Variants in PDE4B observed in about 807,000 individuals in gnomAD.
PDE4B encodes phosphodiesterase 4B, also known as 3',5'-cyclic-AMP phosphodiesterase 4B.
A neutral mutation model predicts 82.2 loss-of-function variants in PDE4B; 20 were observed. That is an observed-to-expected ratio of 0.24 (90% CI 0.17 to 0.35). PDE4B has a LOEUF of 0.35. Among genes scored for constraint, PDE4B ranks in the 10% least tolerant of loss-of-function variants. The pLI is 1.00. For missense variants in PDE4B, 655 were observed against 907.2 expected (o/e 0.72, Z 3.57); for synonymous variants, 320 against 318.9 (o/e 1.00, Z -0.04).
chr1:65,892,025 C>A (rs1401320684), intron 1 of PDE4B, among the ~76,000 whole-genome samples: 2 of 151,988 alleles, frequency 1.3e-5, no homozygotes, highest in Admixed American at 6.6e-5. Context: ...AATTTAAATT[C>A]ATCAACTTCT....
chr1:66,213,369 G>A (rs1271363313), intron 3 of PDE4B, among the ~76,000 whole-genome samples: 2 of 152,046 alleles, frequency 1.3e-5, no homozygotes, highest in African/African-American at 4.8e-5. Context: ...ACCTTAAGAT[G>A]CCTATTAAGT....
chr1:66,084,827 G>A (rs1360795675), intron 3 of PDE4B, among the ~76,000 whole-genome samples: 3 of 152,128 alleles, frequency 2.0e-5, no homozygotes, highest in African/African-American at 7.2e-5. Flanking sequence ...TCTCTCTGCT[G>A]GGAACAAGGC....
intron 1 of PDE4B, among the ~76,000 whole-genome samples, chr1:65,823,178 G>A (rs993810003): frequency 5.3e-5 from 8 of 151,634 alleles, no homozygotes; most frequent in African/African-American, 1.2e-4. Context: ...CGGATGGATC[G>A]CAAGGTCAGG....
chr1:65,941,414 T>C (rs922259304), intron 3 of PDE4B, among the ~76,000 whole-genome samples: 1 of 152,078 alleles, frequency 6.6e-6, no homozygotes, highest in Non-Finnish European at 1.5e-5. Context: ...CTGGACCTTT[T>C]CTATCTCTTG....
At chr1:66,146,386 T>C (rs1035933780) in intron 3 of PDE4B, among the ~76,000 whole-genome samples, 7 of 152,138 alleles carry the variant, frequency 4.6e-5, no homozygotes, top group African/African-American at 1.7e-4. Context: ...GGTTTCACAG[T>C]GTTAGCCAGG....
At chr1:66,016,993 C>A (rs1054632701) in intron 3 of PDE4B, among the ~76,000 whole-genome samples, 6 of 152,112 alleles carry the variant, frequency 3.9e-5, no homozygotes, top group Non-Finnish European at 8.8e-5. Flanking sequence ...GCAGAGAAAA[C>A]AACAGAGTGT....
intron 1 of PDE4B, among the ~76,000 whole-genome samples, chr1:65,837,689 C>T (rs1392189327): frequency 2.6e-5 from 4 of 152,106 alleles, no homozygotes; most frequent in Non-Finnish European, 4.4e-5. Context: ...GGAAAGCTGA[C>T]GAACAACCTT....
chr1:66,190,385 G>T (rs1272937126), intron 3 of PDE4B, among the ~76,000 whole-genome samples: 1 of 152,218 alleles, frequency 6.6e-6, no homozygotes, highest in South Asian at 2.1e-4. Context: ...ATTGAAGTCT[G>T]CAGAGGTTTT....
chr1:65,887,412 C>T (rs987841639), intron 1 of PDE4B, among the ~76,000 whole-genome samples: 22 of 6,920 alleles, frequency 3.2e-3, no homozygotes, highest in South Asian at 8.2e-3. Context: ...TCTTTTTCTT[C>T]TGTTTTTTTT....
intron 1 of PDE4B, among the ~76,000 whole-genome samples, chr1:65,905,642 G>A (rs944163268): frequency 6.6e-6 from 1 of 152,096 alleles, no homozygotes; most frequent in Non-Finnish European, 1.5e-5. Flanking sequence ...AATAGAGAGA[G>A]GGGGAGTGGA....
chr1:66,090,616 A>ATGTGTGTGTGTGTGTGT (rs200925983), intron 3 of PDE4B, among the ~76,000 whole-genome samples: 918 of 89,840 alleles, frequency 0.01, 8 homozygotes, highest in South Asian at 0.016. Flanking sequence ...ATATGTATAT[A>ATGTGTGTGTGTGTGTGT]ATATATGTGT....
intron 8 of PDE4B, among the ~76,000 whole-genome samples, chr1:66,338,152 T>C (rs139471447): frequency 2.5e-4 from 38 of 152,370 alleles, no homozygotes; most frequent in African/African-American, 8.7e-4. Context: ...ATAGGTACTG[T>C]TATTATTCCT....
intron 3 of PDE4B, among the ~76,000 whole-genome samples, chr1:65,939,710 A>G (rs1648340760): frequency 6.6e-6 from 1 of 152,142 alleles, no homozygotes. Context: ...TAAGCTTAAT[A>G]TATAATTATT....
intron 3 of PDE4B, among the ~76,000 whole-genome samples, chr1:65,978,093 T>A (rs1462194026): frequency 1.3e-5 from 2 of 149,614 alleles, no homozygotes; most frequent in Non-Finnish European, 3.0e-5. Flanking sequence ...AATGGTGCGG[T>A]CTCAGCTCAC....
chr1:65,996,610 A>T (rs892126892), intron 3 of PDE4B, among the ~76,000 whole-genome samples: 1 of 152,164 alleles, frequency 6.6e-6, no homozygotes, highest in African/African-American at 2.4e-5. Flanking sequence ...GTATACTCCA[A>T]ATTCATGATC....
intron 3 of PDE4B, among the ~76,000 whole-genome samples, chr1:66,025,214 A>G (rs1336033869): frequency 6.6e-6 from 1 of 152,156 alleles, no homozygotes; most frequent in African/African-American, 2.4e-5. Flanking sequence ...TTTTCAAAAA[A>G]TAGGCTTTGA....
At chr1:66,286,267 T>C (rs1054303801) in intron 7 of PDE4B, among the ~76,000 whole-genome samples, 2 of 152,148 alleles carry the variant, frequency 1.3e-5, no homozygotes, top group African/African-American at 2.4e-5. Flanking sequence ...ATGTTTTGTT[T>C]TACATTTTCT....
chr1:66,104,207 C>A (rs184737917), intron 3 of PDE4B, among the ~76,000 whole-genome samples: 162 of 151,328 alleles, frequency 1.1e-3, no homozygotes, highest in Non-Finnish European at 2.0e-3. Flanking sequence ...TTTGTTCTTG[C>A]GATAGTTTAC....
intron 3 of PDE4B, among the ~76,000 whole-genome samples, chr1:66,125,391 T>A (rs1014025482): frequency 2.6e-5 from 4 of 152,192 alleles, no homozygotes; most frequent in African/African-American, 9.6e-5. Context: ...CTCAAACACC[T>A]GACATCATGA....
Sources: allele counts gnomAD v4.1 joint callset (sites outside exome capture counted in the v4.1 genomes callset), GRCh38; gene constraint gnomAD v4.1.1; transcripts MANE v1.5; gene names NCBI Gene and HGNC (gene_info 2026-07-23, HGNC 2026-07-21).